LRMDA: variants seen among roughly 807,000 people sequenced by gnomAD.
The protein encoded by LRMDA is leucine rich melanocyte differentiation associated.
A neutral mutation model predicts 29.8 loss-of-function variants in LRMDA; 18 were observed. The observed-to-expected ratio is 0.60, with a 90% CI of 0.42 to 0.90. The LOEUF (loss-of-function observed/expected upper bound fraction) is 0.90, where lower values mean the gene tolerates loss of function less well. Ranked by LOEUF, LRMDA falls within the 40% of genes least tolerant of loss-of-function variation. The probability of loss-of-function intolerance (pLI) is 0.00; values close to 1 mark genes in which losing one functional copy is unlikely to be tolerated. For synonymous variants in LRMDA, 125 were observed against 109.4 expected, an observed-to-expected ratio of 1.14 and a Z score of -0.89; for missense variants, 273 against 273.9, an observed-to-expected ratio of 1.00 and a Z score of 0.02.
intron 2 of LRMDA, among the ~76,000 whole-genome samples, chr10:76,010,934 C>A (rs911191680): frequency 1.3e-5 from 2 of 152,202 alleles, no homozygotes. Context: ...ACTTGACATT[C>A]AAAAATTCTA....
chr10:76,235,647 C>T (rs1458698599), intron 5 of LRMDA, among the ~76,000 whole-genome samples: 3 of 152,188 alleles, frequency 2.0e-5, no homozygotes, highest in South Asian at 2.1e-4. Context: ...TTGTCCCTGG[C>T]TGATAAGATT....
rs1465069237 is a variant in LRMDA at position 75,490,330 on chromosome 10, TACACATAC to T, written c.131+51842_131+51849del. Among the ~76,000 whole-genome samples, 10 of 77,588 alleles carry T rather than the reference TACACATAC, an allele frequency of 1.3e-4. No individual in the cohort carries two copies. The South Asian group carries it at 3.4e-3, about 27-fold the overall frequency. 50.9% of individuals were successfully genotyped at this position (77,588 alleles called of 152,430 possible). A position where few individuals can be genotyped will look rare whatever the true frequency, so the allele number is the denominator to read the frequency against. On this transcript the variant is annotated intron_variant, in intron 2 of 6. Transcript: ENST00000611255. Reference sequence around the variant, plus strand: ...AATATGTATGTGCATATATGACATGTACACATACACACACACACACACACACACACACA... The same window carrying T: ...AATATGTATGTGCATATATGACATGTACACACACACACACACACACACACA...
At chr10:75,902,257 G>A (rs539313614) in intron 2 of LRMDA, among the ~76,000 whole-genome samples, 70 of 152,284 alleles carry the variant, frequency 4.6e-4, no homozygotes, top group African/African-American at 5.1e-4. Context: ...CATTGCAGGC[G>A]CTAGAAATGC....
chr10:76,420,505 G>T (rs1842061582), intron 6 of LRMDA, among the ~76,000 whole-genome samples: 1 of 151,650 alleles, frequency 6.6e-6, no homozygotes, highest in Non-Finnish European at 1.5e-5. Context: ...GGCTTTGTTG[G>T]CTGTTTTAAT....
intron 6 of LRMDA, among the ~76,000 whole-genome samples, chr10:76,406,842 G>A (rs1197984468): frequency 1.3e-5 from 2 of 152,092 alleles, no homozygotes; most frequent in African/African-American, 4.8e-5. Flanking sequence ...CCTTGAGATG[G>A]TCTTTGATCC....
At chr10:76,022,629 A>G (rs943230393) in intron 2 of LRMDA, among the ~76,000 whole-genome samples, 6 of 152,210 alleles carry the variant, frequency 3.9e-5, no homozygotes, top group Non-Finnish European at 7.3e-5. Flanking sequence ...CTAGCATGGT[A>G]GGAGTCCTTA....
At chr10:75,921,548 G>A (rs1215893745) in intron 2 of LRMDA, among the ~76,000 whole-genome samples, 1 of 152,220 alleles carries the variant, frequency 6.6e-6, no homozygotes, top group Non-Finnish European at 1.5e-5. Context: ...AGGATCTGGA[G>A]AGATTTTCAG....
intron 2 of LRMDA, among the ~76,000 whole-genome samples, chr10:75,844,682 C>G (rs1426292364): frequency 1.3e-5 from 2 of 152,198 alleles, no homozygotes; most frequent in African/African-American, 4.8e-5. Flanking sequence ...GGTCGCACTA[C>G]TCTCCTAAAA....
At chr10:75,860,749 T>C (rs928457140) in intron 2 of LRMDA, among the ~76,000 whole-genome samples, 19 of 152,152 alleles carry the variant, frequency 1.2e-4, no homozygotes, top group Admixed American at 3.9e-4. Context: ...GGTGACAGGG[T>C]GTCCATCAGA....
chr10:76,516,246 T>C (rs182551392), intron 6 of LRMDA, among the ~76,000 whole-genome samples: 567 of 152,294 alleles, frequency 3.7e-3, no homozygotes, highest in Non-Finnish European at 6.2e-3. Context: ...TATCAGATAT[T>C]AAAATTATCA....
At chr10:76,350,234 C>T (rs1384809632) in intron 6 of LRMDA, among the ~76,000 whole-genome samples, 1 of 151,540 alleles carries the variant, frequency 6.6e-6, no homozygotes, top group East Asian at 1.9e-4. Context: ...TATTTCTAAG[C>T]TTGGTAATGG....
intron 2 of LRMDA, among the ~76,000 whole-genome samples, chr10:75,463,032 C>A (rs1462598024): frequency 6.6e-6 from 1 of 152,178 alleles, no homozygotes; most frequent in Non-Finnish European, 1.5e-5. Flanking sequence ...TTCTGGACAC[C>A]TGAGGCTCCG....
At chr10:76,420,357 A>G (rs1171647699) in intron 6 of LRMDA, among the ~76,000 whole-genome samples, 2 of 151,614 alleles carry the variant, frequency 1.3e-5, no homozygotes, top group Non-Finnish European at 2.9e-5. Flanking sequence ...CCTTTTATCT[A>G]TTTTTCAGGT....
intron 2 of LRMDA, among the ~76,000 whole-genome samples, chr10:75,600,821 G>T (rs557921408): frequency 3.3e-5 from 5 of 152,368 alleles, no homozygotes; most frequent in African/African-American, 1.2e-4. Context: ...TTGAAATGTT[G>T]CTGGGCTATG....
At chr10:75,558,866 A>C (rs1840252564) in intron 2 of LRMDA, among the ~76,000 whole-genome samples, 1 of 138,780 alleles carries the variant, frequency 7.2e-6, no homozygotes. Context: ...TGAACTCATC[A>C]TTTTTTATGG....
intron 6 of LRMDA, among the ~76,000 whole-genome samples, chr10:76,394,330 G>C (rs147751118): frequency 1.6e-3 from 237 of 152,296 alleles, no homozygotes; most frequent in African/African-American, 5.2e-3. Flanking sequence ...TGGGAGGTAA[G>C]AGTCCAAATG....
chr10:76,531,825 A>G (rs1369842567), intron 6 of LRMDA, among the ~76,000 whole-genome samples: 1 of 151,830 alleles, frequency 6.6e-6, no homozygotes, highest in Non-Finnish European at 1.5e-5. Flanking sequence ...TACCCCTTCA[A>G]TTTTCTGGAA....
intron 2 of LRMDA, among the ~76,000 whole-genome samples, chr10:75,944,288 T>C (rs1235860112): frequency 1.3e-5 from 2 of 152,186 alleles, no homozygotes; most frequent in East Asian, 3.9e-4. Flanking sequence ...ATTTAATCAT[T>C]GTTCCCACAT....
rs1206265698 is a variant in LRMDA, at chr10:75,691,260, G to GTA, written c.131+252767_131+252768insAT. On this transcript the variant is annotated intron_variant, in intron 2 of 6. Transcript: ENST00000611255. ...TGTGTGTGTATGTATGTATGTATAT[G>GTA]TGTATATATATATATATATCTTTTT... Among the ~76,000 whole-genome samples the GTA allele has an allele frequency of 2.1e-4, 27 of 130,268 alleles. 1 individual carries two copies. Among genetic ancestry groups the GTA allele is most frequent in the African/African-American group, 9.7e-4 (24 of 24,672 alleles). 85.5% of individuals were successfully genotyped at this position (130,268 alleles called of 152,430 possible). A position where few individuals can be genotyped will look rare whatever the true frequency, so the allele number is the denominator to read the frequency against.
Sources: allele counts gnomAD v4.1 joint callset (sites outside exome capture counted in the v4.1 genomes callset), GRCh38; gene constraint gnomAD v4.1.1; transcripts MANE v1.5; gene names NCBI Gene and HGNC (gene_info 2026-07-23, HGNC 2026-07-21).